SLC38A6: variants seen among roughly 807,000 people sequenced by gnomAD.
The protein encoded by SLC38A6 is solute carrier family 38 member 6.
A neutral mutation model predicts 65.0 loss-of-function variants in SLC38A6; 73 were observed. The ratio of observed to expected loss-of-function variants is 1.12; its 90% CI spans 0.93 to 1.37. The LOEUF (loss-of-function observed/expected upper bound fraction) is 1.37. Ranked by LOEUF, SLC38A6 falls within the 40% of genes most tolerant of loss-of-function variation. The pLI, the probability that SLC38A6 is intolerant of heterozygous loss-of-function variation, is 0.00. For synonymous variants in SLC38A6, 183 were observed against 178.8 expected (o/e 1.02, Z -0.19); for missense variants, 561 against 531.1 (o/e 1.06, Z -0.55).
At chr14:61,001,650 C>T (rs935461916) in intron 3 of SLC38A6, among the ~76,000 whole-genome samples, 20 of 152,056 alleles carry the variant, frequency 1.3e-4, no homozygotes, top group African/African-American at 4.6e-4. Context: ...TTGGTGATTG[C>T]CTCTCTAAGT....
At chr14:61,043,316 A>T in intron 9 of SLC38A6, 104 bp downstream of exon 9, 1 of 1,041,680 alleles carries the variant, frequency 9.6e-7, no homozygotes, top group Non-Finnish European at 1.4e-6. Context: ...TAATGGCTAT[A>T]TTGCATTTTA....
chr14:61,019,712 T>A, intron 5 of SLC38A6, 132 bp downstream of exon 5: 1 of 833,086 alleles, frequency 1.2e-6, no homozygotes, highest in Non-Finnish European at 1.9e-6. Flanking sequence ...TGTGTTGGCC[T>A]CTTTACTCTT....
intron 8 of SLC38A6, among the ~76,000 whole-genome samples, chr14:61,038,190 C>T (rs945900298): frequency 1.7e-4 from 26 of 152,012 alleles, no homozygotes; most frequent in African/African-American, 6.0e-4. Flanking sequence ...AACACTACTA[C>T]AAATATTTTT....
intron 3 of SLC38A6, among the ~76,000 whole-genome samples, chr14:60,989,275 C>G (rs1285741427): frequency 6.6e-6 from 1 of 152,214 alleles, no homozygotes; most frequent in South Asian, 2.1e-4. Flanking sequence ...ATCACTCCAG[C>G]CACTTTCTCC....
chr14:61,042,277 A>C (rs1249680557), intron 8 of SLC38A6, among the ~76,000 whole-genome samples: 1 of 152,218 alleles, frequency 6.6e-6, no homozygotes, highest in Non-Finnish European at 1.5e-5. Flanking sequence ...AACTAGGTAA[A>C]TACCAAGTAG....
chr14:61,031,502 T>C (rs1477267634), intron 6 of SLC38A6, among the ~76,000 whole-genome samples: 2 of 152,092 alleles, frequency 1.3e-5, no homozygotes, highest in African/African-American at 2.4e-5. Flanking sequence ...CAAGAAAATG[T>C]AGTTAAAAAA....
chr14:61,077,775 T>C (rs566082459), intron 15 of SLC38A6, among the ~76,000 whole-genome samples: 1 of 152,330 alleles, frequency 6.6e-6, no homozygotes, highest in African/African-American at 2.4e-5. Context: ...TCAATTTTTT[T>C]TTCTACTCAA....
intron 3 of SLC38A6, chr14:60,987,059 G>T (rs2139687014): frequency 2.4e-6 from 1 of 419,200 alleles, no homozygotes. Flanking sequence ...TAGCCTACTT[G>T]GGCCCATGAA....
chr14:61,000,032 A>C (rs2038594934), intron 3 of SLC38A6, among the ~76,000 whole-genome samples: 1 of 152,258 alleles, frequency 6.6e-6, no homozygotes, highest in Non-Finnish European at 1.5e-5. Flanking sequence ...TAAAGAAGAC[A>C]CAAAAAGTAA....
At chr14:61,015,980 T>G in intron 4 of SLC38A6, 24 bp downstream of exon 4, 1 of 1,585,168 alleles carries the variant, frequency 6.3e-7, no homozygotes, top group Non-Finnish European at 8.6e-7. Context: ...CTCCTCATTG[T>G]GTCCAAAACC....
At chr14:61,000,200 C>G (rs2038607481) in intron 3 of SLC38A6, among the ~76,000 whole-genome samples, 1 of 152,132 alleles carries the variant, frequency 6.6e-6, no homozygotes, top group Non-Finnish European at 1.5e-5. Flanking sequence ...CTGCCATGTG[C>G]TTGACACACA....
Position 60,981,304 on chromosome 14 carries a change from C to A in SLC38A6, c.27C>A (p.Asn9Lys). 6.2e-7 allele frequency: 1 copy of A among 1,609,780 alleles called. No homozygotes were observed. Among genetic ancestry groups the A allele is most frequent in the Non-Finnish European group, 8.5e-7 (1 of 1,178,320 alleles). Residue 9 changes from asparagine to lysine, a missense_variant, in exon 1 of 16, where the codon AAC (asparagine) becomes AAA (lysine). Coordinates refer to ENST00000267488, the MANE Select transcript of SLC38A6 (RefSeq NM_153811.3). ...TGGAGGCGTCCTGGGGGAGCTTCAACGCTGAGCGGGGCTGGTATGTCTCTG... is the reference window on the plus strand; with the variant it reads ...TGGAGGCGTCCTGGGGGAGCTTCAAAGCTGAGCGGGGCTGGTATGTCTCTG... MEASWGSF[N>K]AERGWYVSVQ...
chr14:61,040,596 C>T (rs2041737855), intron 8 of SLC38A6, among the ~76,000 whole-genome samples: 1 of 152,120 alleles, frequency 6.6e-6, no homozygotes, highest in Non-Finnish European at 1.5e-5. Context: ...GCCTGGGCCT[C>T]CCAAAGTGCT....
chr14:60,993,096 C>T (rs1311390215), intron 3 of SLC38A6, among the ~76,000 whole-genome samples: 1 of 152,190 alleles, frequency 6.6e-6, no homozygotes, highest in African/African-American at 2.4e-5. Context: ...GATCTGCCCA[C>T]CTCGGCCTCC....
intron 15 of SLC38A6, among the ~76,000 whole-genome samples, chr14:61,070,911 G>C (rs540078956): frequency 1.1e-4 from 16 of 152,024 alleles, no homozygotes; most frequent in Non-Finnish European, 2.2e-4. Flanking sequence ...TTGTTACTGA[G>C]TTGTTGTAGT....
rs184302725 is a variant in SLC38A6 at position 61,015,408 on chromosome 14, C to G, written c.311-496C>G. Among the ~76,000 whole-genome samples, 72 of 152,264 alleles carry G rather than the reference C, an allele frequency of 4.7e-4. 2 individuals are homozygous for G. In the South Asian group the frequency reaches 0.014, roughly 29 times the overall value. ...ACTGTCCTGCACCCACTGTCCAACA[C>G]TCCCCAGTGAGATGAACCCGGTACC... On this transcript the variant is annotated intron_variant, in intron 3 of 15. Transcript: ENST00000267488.
intron 5 of SLC38A6, among the ~76,000 whole-genome samples, chr14:61,025,497 TTAGAA>T (rs2040557509): frequency 6.6e-6 from 1 of 152,144 alleles, no homozygotes. Flanking sequence ...AAGCACTGCC[TTAGAA>T]TAGGAGAGGT....
At chr14:61,082,503 C>G (rs941559917) in intron 16 of SLC38A6, among the ~76,000 whole-genome samples, 1 of 152,304 alleles carries the variant, frequency 6.6e-6, no homozygotes, top group Non-Finnish European at 1.5e-5. Flanking sequence ...CTCCCAGAAC[C>G]CTTTGCTGGG....
In SLC38A6 at chr14:61,030,263, C is replaced by CTGTGTG. The variant is rs3080609; in HGVS notation, c.404-150_404-145dup. ...GTTATTCTTCTCTACAGTTACTTTT[C>CTGTGTG]TGTGTGTGTGTGTGTGTGTGTGTGT... is the stretch of plus-strand genomic sequence containing the variant. On this transcript the variant is annotated intron_variant, in intron 5 of 15. Transcript: ENST00000267488. Among the ~76,000 whole-genome samples the CTGTGTG allele has an allele frequency of 1.0e-2, 1,482 of 148,792 alleles. 11 individuals carry two copies. The highest frequency in any genetic ancestry group is 0.018 in the African/African-American group (710 of 40,488).
Sources: allele counts gnomAD v4.1 joint callset (sites outside exome capture counted in the v4.1 genomes callset), GRCh38; gene constraint gnomAD v4.1.1; transcripts MANE v1.5; gene names NCBI Gene and HGNC (gene_info 2026-07-23, HGNC 2026-07-21).